Variants in NLRC3 observed in about 807,000 individuals in gnomAD.
NLRC3 encodes the protein NLR family CARD domain-containing protein 3.
A neutral mutation model predicts 91.6 loss-of-function variants in NLRC3; 87 were observed. The observed-to-expected ratio is 0.95, with a 90% CI of 0.80 to 1.14. NLRC3 has a LOEUF of 1.14. Among genes scored for constraint, NLRC3 ranks in the 50% most tolerant of loss-of-function variants. The pLI, the probability that NLRC3 is intolerant of heterozygous loss-of-function variation, is 0.00. For synonymous variants in NLRC3, 694 were observed against 625.3 expected, an observed-to-expected ratio of 1.11 and a Z score of -1.64; for missense variants, 1,577 against 1,418.6, an observed-to-expected ratio of 1.11 and a Z score of -1.79.
At chr16:3,544,577 GTGA>G in intron 15 of NLRC3, 1 of 468,890 alleles carries the variant, frequency 2.1e-6, no homozygotes. Context: ...GACATATAGA[GTGA>G]CTGTCAGCAG....
At chr16:3,543,173 C>T in intron 17 of NLRC3, 1 of 509,714 alleles carries the variant, frequency 2.0e-6, no homozygotes, top group Non-Finnish European at 3.6e-6. Flanking sequence ...ACAAGATCAG[C>T]CCCCCTGGGA....
chr16:3,563,461 G>T lies in NLRC3; in HGVS notation c.1476C>A (p.Leu492=). The T allele has an allele frequency of 6.3e-7, 1 of 1,583,350 alleles. No homozygotes were observed. Among genetic ancestry groups the T allele is most frequent in the Admixed American group, 1.8e-5 (1 of 55,446 alleles). Residue 492 remains leucine, a synonymous_variant, in exon 5 of 20, where the codon CTC becomes CTA. Coordinates refer to ENST00000359128, the MANE Select transcript of NLRC3 (RefSeq NM_178844.4). ...SGVSWPRLGF[L]THFRSAAQRA... ...GCTGGGCTGCGCTCCTGAAATGCGT[G>T]AGGAAGCCCAGCCTGGGCCAGGATA...
chr16:3,574,007 C>CTTTTTTT (rs35126359), intron 1 of NLRC3, among the ~76,000 whole-genome samples: 477 of 40,494 alleles, frequency 0.012, 8 homozygotes, highest in Non-Finnish European at 0.014. Flanking sequence ...ACCATTTTAT[C>CTTTTTTT]TTTTTTTTTT....
Position 3,565,050 on chromosome 16 carries a change from A to C in NLRC3, c.-14T>G, listed in dbSNP as rs764672995. On this transcript the variant is annotated 5_prime_UTR_variant, in exon 4 of 20. Transcript: ENST00000359128. Reference sequence around the variant, plus strand: ...TTGCTTCCTCATGGAGTCGGGGATCACCTCCAGGAGCTGTGAAGAGAGGGC... The same window carrying C: ...TTGCTTCCTCATGGAGTCGGGGATCCCCTCCAGGAGCTGTGAAGAGAGGGC... 6.2e-7 allele frequency: 1 copy of C among 1,605,984 alleles called. No homozygotes were observed. Among genetic ancestry groups the C allele is most frequent in the Admixed American group, 1.7e-5 (1 of 59,908 alleles).
At chr16:3,570,692 G>A (rs2040068553) in intron 1 of NLRC3, among the ~76,000 whole-genome samples, 1 of 152,152 alleles carries the variant, frequency 6.6e-6, no homozygotes, top group African/African-American at 2.4e-5. Context: ...CAGAGAGCTA[G>A]GGGAGGGACA....
chr16:3,574,494 G>C (rs1182393859), intron 1 of NLRC3, among the ~76,000 whole-genome samples: 2 of 152,112 alleles, frequency 1.3e-5, no homozygotes, highest in Non-Finnish European at 2.9e-5. Flanking sequence ...GGCGAGGCAG[G>C]ACTCACAAGC....
chr16:3,563,205 C>T lies in NLRC3; in HGVS notation c.1732G>A (p.Glu578Lys), dbSNP rs779554988. Residue 578 changes from glutamate (E) to lysine (K), a missense_variant, in exon 5 of 20, where the codon GAG becomes AAG. By Grantham distance (56) the Glu-to-Lys change is moderately conservative (BLOSUM62 1). Coordinates refer to ENST00000359128, the MANE Select transcript of NLRC3 (RefSeq NM_178844.4). ...LHCLHELQHTELARSVEEAME... is the reference protein window; with the variant it reads ...LHCLHELQHTKLARSVEEAME... ...GCCTCCTCCACGCTGCGGGCCAGCT[C>T]GGTGTGCTGCAGCTCATGCAGGCAG... 18 of 1,597,796 alleles carry T rather than the reference C, an allele frequency of 1.1e-5. No homozygotes were observed. The highest frequency in any genetic ancestry group is 3.4e-5 in the South Asian group (3 of 88,714).
chr16:3,552,557 C>A (rs551582770), intron 9 of NLRC3, among the ~76,000 whole-genome samples: 1 of 152,136 alleles, frequency 6.6e-6, no homozygotes, highest in Admixed American at 6.5e-5. Context: ...CAGCAACCTC[C>A]CGAATGGGGA....
rs117374349 is a variant in NLRC3, at chr16:3,557,329, G to C, written c.2099+264C>G. On this transcript the variant is annotated intron_variant, in intron 7 of 19. Transcript: ENST00000359128. ...CAACTGAGGAGCCATGGTTCAGCCCGGCTGTCCTTCTGCCCCACCAGGAAG... is the reference window on the plus strand; with the variant it reads ...CAACTGAGGAGCCATGGTTCAGCCCCGCTGTCCTTCTGCCCCACCAGGAAG... Among the ~76,000 whole-genome samples, 160 of 152,300 alleles carry C rather than the reference G, an allele frequency of 1.1e-3. 2 individuals are homozygous for C. The East Asian group carries it at 0.02, about 20-fold the overall frequency.
chr16:3,548,299 A>G, intron 14 of NLRC3, 81 bp from the exon 15 acceptor site: 4 of 1,087,068 alleles, frequency 3.7e-6, no homozygotes, highest in Non-Finnish European at 5.4e-6. Context: ...CTCTGATGGC[A>G]GGAGGTGGAA....
Position 3,563,377 on chromosome 16 carries a change from G to C in NLRC3, c.1560C>G (p.Leu520=), listed in dbSNP as rs1455081094. 3.2e-6 allele frequency: 5 copies of C among 1,583,508 alleles called. No homozygotes were observed. The highest frequency in any genetic ancestry group is 4.3e-6 in the Non-Finnish European group (5 of 1,165,686). ...LDVFLRFLSG[L]LSPRVNALLA... ...GGAGGGCATTGACCCTCGGAGACAA[G>C]AGGCCGGAGAGGAAGCGCAGGAACA... The change falls in exon 5 of 20, where the codon CTC becomes CTG. Residue 520 remains leucine, a synonymous_variant. Coordinates refer to ENST00000359128, the MANE Select transcript of NLRC3 (RefSeq NM_178844.4).
chr16:3,570,670 G>C (rs2151106893), intron 1 of NLRC3, among the ~76,000 whole-genome samples: 1 of 152,260 alleles, frequency 6.6e-6, no homozygotes, highest in African/African-American at 2.4e-5. Flanking sequence ...GAGAGGGTGA[G>C]AAAGAGTCAT....
At chr16:3,561,830 A>T in intron 5 of NLRC3, 42 bp from the exon 6 acceptor site, 2 of 1,477,244 alleles carry the variant, frequency 1.4e-6, no homozygotes, top group Non-Finnish European at 1.9e-6. Flanking sequence ...CCACCCGCCC[A>T]CGGGCAGGGT....
rs533779613 is a variant in NLRC3 at position 3,565,303 on chromosome 16, C to T, written c.-25+16G>A. 1.5e-5 allele frequency: 10 copies of T among 666,580 alleles called. No individual in the cohort carries two copies. The highest frequency in any genetic ancestry group is 1.2e-4 in the East Asian group (4 of 34,184). 41.3% of individuals were successfully genotyped at this position (666,580 alleles called of 1,614,324 possible). ...TAACTGGGGCCCTGAGCTTGTACCCCGGCCCTGCCACTTACCAGATAGGTG... is the reference window on the plus strand; with the variant it reads ...TAACTGGGGCCCTGAGCTTGTACCCTGGCCCTGCCACTTACCAGATAGGTG... On this transcript the variant is annotated intron_variant, in intron 3 of 19. Coordinates refer to ENST00000359128, the MANE Select transcript of NLRC3 (RefSeq NM_178844.4).
intron 3 of NLRC3, 27 bp from the exon 4 acceptor site, chr16:3,565,087 G>A (rs940444787): frequency 3.9e-6 from 6 of 1,548,222 alleles, no homozygotes; most frequent in African/African-American, 1.4e-5. Context: ...TGAACCTGCT[G>A]CCTGCCGTGC....
chr16:3,557,176 A>T (rs1368799524), intron 7 of NLRC3, among the ~76,000 whole-genome samples, 182 bp from the exon 8 acceptor site: 1 of 152,220 alleles, frequency 6.6e-6, no homozygotes, highest in Non-Finnish European at 1.5e-5. Flanking sequence ...TTTCCCCACG[A>T]CTGTCTCAGG....
Position 3,548,115 on chromosome 16 carries a change from C to G in NLRC3, c.2771+20G>C. ...TCCTCAACAGCCCCCGCCCTGCAGC[C>G]CCTGGGCAGGCCAACTTACTCTAAG... On this transcript the variant is annotated intron_variant, in intron 15 of 19. Coordinates refer to ENST00000359128, the MANE Select transcript of NLRC3 (RefSeq NM_178844.4). 2 of 1,539,964 alleles carry G rather than the reference C, an allele frequency of 1.3e-6. No individual in the cohort carries two copies. The highest frequency in any genetic ancestry group is 2.4e-5 in the South Asian group (2 of 84,538).
At chr16:3,577,097 C>G in intron 1 of NLRC3, 52 bp downstream of exon 1, 1 of 703,078 alleles carries the variant, frequency 1.4e-6, no homozygotes, top group South Asian at 1.5e-5. Flanking sequence ...TTCCTGCCAG[C>G]ATCCCTTCTC....
rs1380428105 is a variant in NLRC3, at chr16:3,549,787, A to G, written c.2436-7T>C. On this transcript the variant is annotated splice_polypyrimidine_tract_variant and splice_region_variant and intron_variant, in intron 11 of 19. Transcript: ENST00000359128. ...GATGGAATTGCTCTGCAGGCTGCGG[A>G]AAGAGGAGGCGCCCTGGGTGTGGCT... 5 of 1,548,512 alleles carry G rather than the reference A, an allele frequency of 3.2e-6. No homozygotes were observed. The highest frequency in any genetic ancestry group is 4.4e-6 in the Non-Finnish European group (5 of 1,145,820).
Sources: gnomAD v4.1 joint callset for allele counts (sites outside exome capture counted in the v4.1 genomes callset) on GRCh38, gnomAD v4.1.1 for gene constraint, MANE v1.5 for transcripts, NCBI Gene and HGNC (gene_info 2026-07-23, HGNC 2026-07-21) for gene names.